The following HDAC9 variants were observed in gnomAD, a reference collection of about 807,000 sequenced individuals.
The protein encoded by HDAC9 is MEF-2 interacting transcription repressor (MITR) protein.
Under a neutral mutation model 139.4 loss-of-function variants are expected in HDAC9, and 41 were observed. The observed-to-expected ratio is 0.29, with a 90% confidence interval of 0.23 to 0.38. The LOEUF is 0.38. HDAC9 is among the 10% of genes least tolerant of loss of function. The probability of loss-of-function intolerance (pLI) is 1.00; values close to 1 mark genes in which losing one functional copy is unlikely to be tolerated. For missense variants in HDAC9, 1,147 were observed against 1,297.0 expected, an observed-to-expected ratio of 0.88 and a Z score of 1.78; for synonymous variants, 517 against 476.2, an observed-to-expected ratio of 1.09 and a Z score of -1.12.
chr7:18,180,507 T>A (rs1299582758), intron 2 of HDAC9, among the ~76,000 whole-genome samples: 1 of 151,924 alleles, frequency 6.6e-6, no homozygotes. Flanking sequence ...ATATGAGAGG[T>A]TGTATTTGGT....
At chr7:18,760,730 C>A (rs973385142) in intron 14 of HDAC9, among the ~76,000 whole-genome samples, 1 of 152,148 alleles carries the variant, frequency 6.6e-6, no homozygotes, top group Admixed American at 6.6e-5. Flanking sequence ...CCCCTGCAGA[C>A]CCCCACCAAT....
chr7:18,479,715 C>G (rs1795391257), intron 1 of HDAC9, among the ~76,000 whole-genome samples: 2 of 151,968 alleles, frequency 1.3e-5, no homozygotes, highest in Admixed American at 1.3e-4. Context: ...ATGTATCTCC[C>G]TATTTTTTTC....
chr7:18,306,883 C>G (rs1009609318), intron 1 of HDAC9, among the ~76,000 whole-genome samples: 26 of 152,100 alleles, frequency 1.7e-4, no homozygotes, highest in Non-Finnish European at 3.4e-4. Flanking sequence ...TAAATTCTTT[C>G]CATTCTCCAT....
intron 1 of HDAC9, among the ~76,000 whole-genome samples, chr7:18,160,138 A>G (rs576390833): frequency 6.6e-6 from 1 of 152,352 alleles, no homozygotes; most frequent in South Asian, 2.1e-4. Flanking sequence ...TCAATTGTGC[A>G]AAGTGACGTT....
intron 7 of HDAC9, among the ~76,000 whole-genome samples, chr7:18,633,029 G>A (rs536928134): frequency 6.6e-6 from 1 of 152,092 alleles, no homozygotes; most frequent in South Asian, 2.1e-4. Flanking sequence ...AATTTGGGCT[G>A]GAATTTATGA....
At chr7:18,925,658 T>C (rs1057222805) in intron 22 of HDAC9, among the ~76,000 whole-genome samples, 2 of 151,802 alleles carry the variant, frequency 1.3e-5, no homozygotes, top group Admixed American at 6.6e-5. Flanking sequence ...TTTTTTTCCA[T>C]ACACCTATGT....
chr7:18,946,701 C>T (rs759060824), intron 23 of HDAC9, among the ~76,000 whole-genome samples: 4 of 151,926 alleles, frequency 2.6e-5, no homozygotes, highest in Non-Finnish European at 4.4e-5. Context: ...ATTGGCAAAA[C>T]CACAATCATC....
intron 1 of HDAC9, among the ~76,000 whole-genome samples, chr7:18,310,322 T>C (rs986452553): frequency 1.3e-5 from 2 of 152,194 alleles, no homozygotes; most frequent in African/African-American, 2.4e-5. Flanking sequence ...AGATATTTCT[T>C]TGGAGGACGA....
intron 1 of HDAC9, among the ~76,000 whole-genome samples, chr7:18,411,033 C>T (rs1022970222): frequency 6.6e-6 from 1 of 152,204 alleles, no homozygotes; most frequent in Non-Finnish European, 1.5e-5. Context: ...AGGTGCTAAG[C>T]TTCTCAGCAA....
At position 18,947,430 on chromosome 7, in the gene HDAC9, A is replaced by G. The variant is rs1013119583; in HGVS notation, c.2938-6716A>G. ...AAAGGAGACTTCACTACAGATTTTAATGTTATTAAAAGGATGACAAGAAAA... is the reference window on the plus strand; with the variant it reads ...AAAGGAGACTTCACTACAGATTTTAGTGTTATTAAAAGGATGACAAGAAAA... On this transcript the variant is annotated intron_variant, in intron 23 of 25. Coordinates refer to ENST00000686413, the MANE Select transcript of HDAC9 (RefSeq NM_178425.4). Among the ~76,000 whole-genome samples, 10 of 152,102 alleles carry G rather than the reference A, an allele frequency of 6.6e-5. 2 individuals carry two copies. The South Asian group carries it at 2.1e-3, about 32-fold the overall frequency.
intron 2 of HDAC9, among the ~76,000 whole-genome samples, chr7:18,508,587 T>C (rs571200018): frequency 6.7e-6 from 1 of 149,046 alleles, no homozygotes; most frequent in African/African-American, 2.5e-5. Context: ...GTTCCTAAGG[T>C]TCACCCTTGT....
intron 23 of HDAC9, 114 bp downstream of exon 23, chr7:18,936,056 C>T: frequency 1.0e-6 from 1 of 982,188 alleles, no homozygotes; most frequent in South Asian, 1.7e-5. Context: ...TTGCTCTTAC[C>T]ATTAAGAAAG....
chr7:18,708,928 A>G (rs1336287226), intron 12 of HDAC9, among the ~76,000 whole-genome samples: 1 of 152,012 alleles, frequency 6.6e-6, no homozygotes, highest in Admixed American at 6.6e-5. Context: ...ACCCACACAC[A>G]TGCACACACA....
chr7:18,319,131 A>G (rs1799853302), intron 1 of HDAC9, among the ~76,000 whole-genome samples: 1 of 152,212 alleles, frequency 6.6e-6, no homozygotes, highest in Admixed American at 6.5e-5. Flanking sequence ...TGATAATCTT[A>G]AAAACGCCAT....
At chr7:18,285,100 A>G (rs1468928467) in intron 2 of HDAC9, among the ~76,000 whole-genome samples, 7 of 152,136 alleles carry the variant, frequency 4.6e-5, no homozygotes, top group Admixed American at 3.9e-4. Context: ...CACAGTCTTC[A>G]CACTCTGGGC....
chr7:18,780,504 G>A (rs903754169), intron 16 of HDAC9, among the ~76,000 whole-genome samples: 5 of 151,856 alleles, frequency 3.3e-5, no homozygotes, highest in African/African-American at 4.8e-5. Context: ...AGTTGTTGTT[G>A]GATGATTCAG....
At position 18,575,575 on chromosome 7, in the gene HDAC9, C is replaced by T. The variant is rs1321720523; in HGVS notation, c.23-9706C>T. On this transcript the variant is annotated intron_variant, in intron 2 of 25. Transcript: ENST00000686413. ...TCAGCACATTGAATTTTAAGAGATA[C>T]AGTGGAGTCTAGGAAATGCAAAATG... is the stretch of plus-strand genomic sequence containing the variant. Among the ~76,000 whole-genome samples, 3 of 152,194 alleles carry T rather than the reference C, an allele frequency of 2.0e-5. No homozygotes were observed. In the East Asian group the frequency reaches 5.8e-4, roughly 29 times the overall value.
intron 11 of HDAC9, among the ~76,000 whole-genome samples, chr7:18,661,622 A>C (rs1256872293): frequency 6.6e-6 from 1 of 152,100 alleles, no homozygotes; most frequent in African/African-American, 2.4e-5. Flanking sequence ...TAAGGTTTTT[A>C]AGAATGTTAT....
intron 2 of HDAC9, among the ~76,000 whole-genome samples, chr7:18,574,937 G>A (rs934867872): frequency 3.3e-5 from 5 of 152,176 alleles, no homozygotes; most frequent in Admixed American, 2.0e-4. Flanking sequence ...GCTGCACCCC[G>A]GAGGGTGGGG....
Sources: allele counts gnomAD v4.1 joint callset (sites outside exome capture counted in the v4.1 genomes callset), GRCh38; gene constraint gnomAD v4.1.1; transcripts MANE v1.5; gene names NCBI Gene and HGNC (gene_info 2026-07-23, HGNC 2026-07-21).